The following ERC2 variants were observed in gnomAD, a reference collection of about 807,000 sequenced individuals.
ERC2 encodes ELKS/RAB6-interacting/CAST family member 2.
ERC2 carries 42 observed loss-of-function variants against 114.8 expected under a neutral mutation model. That is an observed-to-expected ratio of 0.37 (90% CI 0.29 to 0.47). The LOEUF (loss-of-function observed/expected upper bound fraction) is 0.47. Ranked by LOEUF, ERC2 falls within the 20% of genes least tolerant of loss-of-function variation. ERC2 has a pLI of 0.99. For missense variants in ERC2, 939 were observed against 1,150.7 expected (o/e 0.82, Z 2.66); for synonymous variants, 454 against 425.5 (o/e 1.07, Z -0.82).
chr3:55,734,660 G>C (rs815451), intron 15 of ERC2, 111 bp downstream of exon 15: 1,043,605 of 1,343,738 alleles, frequency 0.78, 407,006 homozygotes, highest in African/African-American at 0.91. Context: ...CTGGTTTTAG[G>C]AGCTTGAGCC....
intron 3 of ERC2, among the ~76,000 whole-genome samples, chr3:56,196,622 T>C (rs2048123100): frequency 6.6e-6 from 1 of 151,932 alleles, no homozygotes; most frequent in Non-Finnish European, 1.5e-5. Context: ...CACAAATAGA[T>C]TTTAGCTTCT....
At chr3:55,548,425 G>A (rs1295723900) in intron 17 of ERC2, among the ~76,000 whole-genome samples, 1 of 152,212 alleles carries the variant, frequency 6.6e-6, no homozygotes, top group African/African-American at 2.4e-5. Flanking sequence ...TTTTGCAAAT[G>A]AGACATGGCC....
At chr3:56,188,308 C>G (rs896098444) in intron 3 of ERC2, among the ~76,000 whole-genome samples, 2 of 152,202 alleles carry the variant, frequency 1.3e-5, no homozygotes, top group South Asian at 2.1e-4. Flanking sequence ...CCCTCACACC[C>G]CTTTCTCTCT....
chr3:55,898,274 G>T (rs1300437369), intron 13 of ERC2, among the ~76,000 whole-genome samples: 1 of 152,138 alleles, frequency 6.6e-6, no homozygotes, highest in Non-Finnish European at 1.5e-5. Flanking sequence ...GTGTGCTTCT[G>T]GGTATGTGGT....
intron 17 of ERC2, among the ~76,000 whole-genome samples, chr3:55,633,001 G>C (rs937177918): frequency 6.6e-6 from 1 of 152,132 alleles, no homozygotes; most frequent in African/African-American, 2.4e-5. Flanking sequence ...TTGTCCACCT[G>C]TCTATTTATC....
intron 14 of ERC2, among the ~76,000 whole-genome samples, chr3:55,784,311 T>A (rs1449667873): frequency 6.6e-6 from 1 of 152,128 alleles, no homozygotes; most frequent in Non-Finnish European, 1.5e-5. Flanking sequence ...TATAGGAGAT[T>A]TAATATTTAC....
intron 15 of ERC2, among the ~76,000 whole-genome samples, chr3:55,734,121 C>G (rs2065473517): frequency 6.6e-6 from 1 of 152,200 alleles, no homozygotes; most frequent in Non-Finnish European, 1.5e-5. Context: ...CAAGTTAGAA[C>G]TATGCCCCTG....
chr3:55,733,540 T>A (rs879734815), intron 15 of ERC2, among the ~76,000 whole-genome samples: 7,816 of 95,354 alleles, frequency 0.082, 361 homozygotes, highest in African/African-American at 0.13. Context: ...TTTCTCTCTC[T>A]CTCACACACA....
chr3:56,178,234 C>T (rs2083086718), intron 3 of ERC2, among the ~76,000 whole-genome samples: 1 of 152,102 alleles, frequency 6.6e-6, no homozygotes, highest in Non-Finnish European at 1.5e-5. Flanking sequence ...CTTCAACAGA[C>T]CAAATAATAA....
chr3:56,263,669 A>C (rs2053096704), intron 3 of ERC2, among the ~76,000 whole-genome samples: 1 of 152,244 alleles, frequency 6.6e-6, no homozygotes, highest in South Asian at 2.1e-4. Context: ...GTAGTAATTA[A>C]AAGCCTCCCA....
intron 13 of ERC2, among the ~76,000 whole-genome samples, chr3:55,893,922 T>C (rs995046759): frequency 3.3e-5 from 5 of 152,208 alleles, no homozygotes; most frequent in African/African-American, 1.2e-4. Context: ...AGTGAGGACA[T>C]GGTTTTGCCT....
At chr3:55,594,202 G>T (rs964253469) in intron 17 of ERC2, among the ~76,000 whole-genome samples, 3 of 152,128 alleles carry the variant, frequency 2.0e-5, no homozygotes, top group African/African-American at 7.2e-5. Flanking sequence ...GTAAAGAGAT[G>T]GCAGATACAT....
intron 11 of ERC2, among the ~76,000 whole-genome samples, chr3:55,990,423 C>A (rs1576473600): frequency 6.6e-6 from 1 of 152,022 alleles, no homozygotes; most frequent in Admixed American, 6.6e-5. Context: ...AATACAGAGA[C>A]AAAGTTGAGA....
chr3:55,890,675 C>G (rs6791516), intron 13 of ERC2, among the ~76,000 whole-genome samples: 1,653 of 152,314 alleles, frequency 0.011, 27 homozygotes, highest in African/African-American at 0.037. Context: ...ACCTGGGAGA[C>G]ACAATACAGA....
intron 12 of ERC2, among the ~76,000 whole-genome samples, chr3:55,982,827 C>T (rs2149508017): frequency 6.6e-6 from 1 of 152,326 alleles, no homozygotes; most frequent in Non-Finnish European, 1.5e-5. Flanking sequence ...GGCAACAGAC[C>T]TCTGAGTTCT....
rs530356000 is a variant in ERC2 at position 55,779,219 on chromosome 3, C to T, written c.2565-44301G>A. On this transcript the variant is annotated intron_variant, in intron 14 of 17. Coordinates refer to ENST00000288221, the MANE Select transcript of ERC2 (RefSeq NM_015576.3). ...GAAATAGGCCAGGTGCGGTGGCTCACGCCTGTAATCCTAGCACTTTGGGAG... is the reference window on the plus strand; with the variant it reads ...GAAATAGGCCAGGTGCGGTGGCTCATGCCTGTAATCCTAGCACTTTGGGAG... Among the ~76,000 whole-genome samples, 261 of 151,396 alleles carry T rather than the reference C, an allele frequency of 1.7e-3. 1 individual carries two copies. Among genetic ancestry groups the T allele is most frequent in the African/African-American group, 5.8e-3 (239 of 41,270 alleles).
chr3:55,852,194 T>C (rs542738335), intron 14 of ERC2, among the ~76,000 whole-genome samples: 1 of 152,198 alleles, frequency 6.6e-6, no homozygotes, highest in Admixed American at 6.5e-5. Context: ...CACTCCAGCC[T>C]GGGTGACAGG....
intron 2 of ERC2, among the ~76,000 whole-genome samples, chr3:56,399,286 A>C (rs1457794864): frequency 6.6e-6 from 1 of 152,224 alleles, no homozygotes; most frequent in Non-Finnish European, 1.5e-5. Flanking sequence ...ACATTAATGC[A>C]GACTCACAGA....
chr3:55,658,663 C>G (rs945240862), intron 17 of ERC2: 1 of 152,718 alleles, frequency 6.5e-6, no homozygotes, highest in African/African-American at 2.4e-5. Context: ...ATTTTGCACA[C>G]TTGCTCATGA....
Sources: gnomAD v4.1 joint callset for allele counts (sites outside exome capture counted in the v4.1 genomes callset) on GRCh38, gnomAD v4.1.1 for gene constraint, MANE v1.5 for transcripts, NCBI Gene and HGNC (gene_info 2026-07-23, HGNC 2026-07-21) for gene names.